Variants in SLC17A4 observed in about 807,000 individuals in gnomAD.
The protein encoded by SLC17A4 is solute carrier family 17 member 4, also known as probable small intestine urate exporter.
SLC17A4 carries 33 observed loss-of-function variants against 52.5 expected under a neutral mutation model. The observed-to-expected ratio is 0.63, with a 90% CI of 0.48 to 0.84. The LOEUF (loss-of-function observed/expected upper bound fraction) is 0.84. Ranked by LOEUF, SLC17A4 falls within the 40% of genes least tolerant of loss-of-function variation. The probability of loss-of-function intolerance (pLI) is 0.00; values close to 1 mark genes in which losing one functional copy is unlikely to be tolerated. For synonymous variants in SLC17A4, 225 were observed against 216.2 expected (o/e 1.04, Z -0.36); for missense variants, 585 against 597.1 (o/e 0.98, Z 0.21).
At chr6:25,768,295 A>T in intron 2 of SLC17A4, 1 of 856,130 alleles carries the variant, frequency 1.2e-6, no homozygotes, top group Non-Finnish European at 1.4e-6. Context: ...TGGCATCTTC[A>T]TACCTTGTGA....
chr6:25,777,602 ACAAC>A lies in SLC17A4; in HGVS notation c.1269-323_1269-320del, dbSNP rs760698993. On this transcript the variant is annotated intron_variant, in intron 10 of 11. Coordinates refer to ENST00000377905, the MANE Select transcript of SLC17A4 (RefSeq NM_005495.3). ...AACAACAACAACAACAACAACAACAACAACAAAAACCTTACAAACCAGGTGCAGA... is the reference window on the plus strand; with the variant it reads ...AACAACAACAACAACAACAACAACAAAAAAACCTTACAAACCAGGTGCAGA... 7.6e-3 allele frequency: 1,598 copies of A among 211,040 alleles called. 25 individuals are homozygous for A. The highest frequency in any genetic ancestry group is 0.033 in the African/African-American group (1,441 of 43,560). The allele number at this position is 211,040 out of a possible 1,614,324, so 13.1% of individuals were successfully genotyped here.
At chr6:25,756,211 T>C (rs77840810) in intron 1 of SLC17A4, among the ~76,000 whole-genome samples, 2 of 152,078 alleles carry the variant, frequency 1.3e-5, no homozygotes, top group Non-Finnish European at 2.9e-5. Context: ...TTTGATCTCA[T>C]CTCCTACCAT....
intron 3 of SLC17A4, among the ~76,000 whole-genome samples, chr6:25,769,456 G>A (rs1267549208): frequency 1.3e-5 from 2 of 152,014 alleles, no homozygotes; most frequent in African/African-American, 4.8e-5. Context: ...TACTCTGGAG[G>A]CTGAGACAGA....
chr6:25,761,979 A>G lies in SLC17A4; in HGVS notation c.17A>G (p.Asp6Gly). The G allele has an allele frequency of 6.2e-7, 1 of 1,613,406 alleles. No homozygotes were observed. The highest frequency in any genetic ancestry group is 8.5e-7 in the Non-Finnish European group (1 of 1,179,790). Residue 6 changes from aspartate to glycine, a missense_variant, in exon 2 of 12, where the codon GAT (aspartate) becomes GGT (glycine). By Grantham distance (94) the Asp-to-Gly change is moderately conservative. Transcript: ENST00000377905. MSTGPDVKATVGDISS... is the reference protein window; with the variant it reads MSTGPGVKATVGDISS... ...AGAACCAAAATGTCTACCGGACCAG[A>G]TGTCAAGGCTACAGTGGGGGACATT...
chr6:25,762,741 C>T (rs998373726), intron 2 of SLC17A4, among the ~76,000 whole-genome samples: 4 of 152,146 alleles, frequency 2.6e-5, no homozygotes, highest in Admixed American at 6.5e-5. Context: ...CTAATCTCAA[C>T]CATCACAGAA....
intron 8 of SLC17A4, among the ~76,000 whole-genome samples, chr6:25,774,778 C>A (rs923827734): frequency 2.6e-5 from 4 of 152,172 alleles, no homozygotes; most frequent in Non-Finnish European, 4.4e-5. Flanking sequence ...GAAAGCAGAG[C>A]TTTCCAGGCT....
chr6:25,776,561 G>A, intron 8 of SLC17A4, 34 bp from the exon 9 acceptor site: 1 of 1,566,000 alleles, frequency 6.4e-7, no homozygotes, highest in Non-Finnish European at 8.7e-7. Context: ...GGGTGGTAAG[G>A]GCACATGCAC....
chr6:25,773,044 G>A (rs1429713478), intron 6 of SLC17A4, among the ~76,000 whole-genome samples: 3 of 152,202 alleles, frequency 2.0e-5, no homozygotes, highest in Non-Finnish European at 4.4e-5. Context: ...CCTTTTTAAT[G>A]CCTAGGCTTG....
intron 11 of SLC17A4, among the ~76,000 whole-genome samples, chr6:25,778,646 T>C (rs1329469535): frequency 2.0e-5 from 3 of 152,148 alleles, no homozygotes; most frequent in African/African-American, 7.2e-5. Context: ...GAAAGAAATC[T>C]ATGGAAGTAA....
intron 1 of SLC17A4, among the ~76,000 whole-genome samples, chr6:25,759,019 G>T (rs1376056907): frequency 6.6e-6 from 1 of 152,090 alleles, no homozygotes; most frequent in African/African-American, 2.4e-5. Context: ...TCAGTTCAAA[G>T]AATTTTTTAA....
At chr6:25,770,362 A>G in intron 4 of SLC17A4, 22 bp from the exon 5 acceptor site, 1 of 1,614,064 alleles carries the variant, frequency 6.2e-7, no homozygotes, top group Non-Finnish European at 8.5e-7. Context: ...CAGATCTCCA[A>G]GAATGGAATT....
In SLC17A4 at chr6:25,779,341, G is replaced by A; in HGVS notation, c.*153G>A. ...TTTACCATGCCTGGAAATTTTACAGGGGAAGAAAACACGCTAGTTATTTAA... is the reference window on the plus strand; with the variant it reads ...TTTACCATGCCTGGAAATTTTACAGAGGAAGAAAACACGCTAGTTATTTAA... On this transcript the variant is annotated 3_prime_UTR_variant, in exon 12 of 12. Coordinates refer to ENST00000377905, the MANE Select transcript of SLC17A4 (RefSeq NM_005495.3). 9.5e-7 allele frequency: 1 copy of A among 1,053,376 alleles called. No homozygotes were observed. Among genetic ancestry groups the A allele is most frequent in the South Asian group, 1.8e-5 (1 of 56,670 alleles). 65.3% of individuals were successfully genotyped at this position (1,053,376 alleles called of 1,614,324 possible).
At position 25,770,375 on chromosome 6, in the gene SLC17A4, TC is replaced by T. The variant is rs550666765; in HGVS notation, c.532-3del. 5.6e-6 allele frequency: 9 copies of T among 1,613,904 alleles called. No individual in the cohort carries two copies. The highest frequency in any genetic ancestry group is 3.3e-5 in the Admixed American group (2 of 59,994). ...CTCAGATCTCCAAGAATGGAATTTT[TC>T]CCCCCAGGTTATGGTATTAACTGGT... On this transcript the variant is annotated splice_polypyrimidine_tract_variant and splice_region_variant and intron_variant, in intron 4 of 11. Coordinates refer to ENST00000377905, the MANE Select transcript of SLC17A4 (RefSeq NM_005495.3).
At chr6:25,769,260 G>A in intron 3 of SLC17A4, 70 bp downstream of exon 3, 1 of 1,385,522 alleles carries the variant, frequency 7.2e-7, no homozygotes, top group Non-Finnish European at 1.0e-6. Flanking sequence ...ATAAAAGAGT[G>A]AGATTCATTT....
chr6:25,761,230 G>T (rs1230396744), intron 1 of SLC17A4, among the ~76,000 whole-genome samples: 2 of 152,234 alleles, frequency 1.3e-5, no homozygotes, highest in African/African-American at 4.8e-5. Context: ...AGGACAAAGA[G>T]GGTTGTCACT....
At chr6:25,770,776 C>A (rs1446531730) in intron 5 of SLC17A4, 150 bp from the exon 6 acceptor site, 1 of 684,626 alleles carries the variant, frequency 1.5e-6, no homozygotes, top group Non-Finnish European at 2.6e-6. Flanking sequence ...AATAACTTCT[C>A]CAAGATCACA....
In SLC17A4 at chr6:25,768,995, A is replaced by T. The variant is rs1231029469; in HGVS notation, c.102A>T (p.Ser34=). Reference sequence around the variant, plus strand: ...CCCTTTTCCTCTCAGGTTTTTGTTCAGTCCGACATGGGCTGGCCCTCATCT... The same window carrying T: ...CCCTTTTCCTCTCAGGTTTTTGTTCTGTCCGACATGGGCTGGCCCTCATCT... ...QEECSRKGFC[S]VRHGLALILQ... Residue 34 remains serine (S), a synonymous_variant, in exon 3 of 12, where the codon TCA becomes TCT. Transcript: ENST00000377905. 1 of 1,614,018 alleles carries T rather than the reference A, an allele frequency of 6.2e-7. No individual in the cohort carries two copies. Among genetic ancestry groups the T allele is most frequent in the Non-Finnish European group, 8.5e-7 (1 of 1,179,966 alleles).
Position 25,762,063 on chromosome 6 carries a change from T to G in SLC17A4, c.91+10T>G. On this transcript the variant is annotated intron_variant, in intron 2 of 11. Coordinates refer to ENST00000377905, the MANE Select transcript of SLC17A4 (RefSeq NM_005495.3). ...GAATGCTCCAGGAAAGGTAAAATCA[T>G]GCACAGTAATCTGGTAGTAAATAAA... is the stretch of plus-strand genomic sequence containing the variant. 6.2e-7 allele frequency: 1 copy of G among 1,610,202 alleles called. No homozygotes were observed. Among genetic ancestry groups the G allele is most frequent in the Non-Finnish European group, 8.5e-7 (1 of 1,177,438 alleles).
rs61419438 is a variant in SLC17A4, at chr6:25,774,971, G to A, written c.987+1297G>A. Reference sequence around the variant, plus strand: ...GTCTCCTTTTCATTGCATTATATTCGATAGAATTTTAGTTTAGAAGTTTAA... The same window carrying A: ...GTCTCCTTTTCATTGCATTATATTCAATAGAATTTTAGTTTAGAAGTTTAA... On this transcript the variant is annotated intron_variant, in intron 8 of 11. Transcript: ENST00000377905. Among the ~76,000 whole-genome samples the A allele has an allele frequency of 3.7e-3, 570 of 152,220 alleles. 4 individuals carry two copies. Among genetic ancestry groups the A allele is most frequent in the African/African-American group, 0.012 (503 of 41,528 alleles).
Sources: gnomAD v4.1 joint callset for allele counts (sites outside exome capture counted in the v4.1 genomes callset) on GRCh38, gnomAD v4.1.1 for gene constraint, MANE v1.5 for transcripts, NCBI Gene and HGNC (gene_info 2026-07-23, HGNC 2026-07-21) for gene names.